The following RPRD1A variants were observed in gnomAD, a reference collection of about 807,000 sequenced individuals.
RPRD1A encodes the protein regulation of nuclear pre-mRNA domain-containing protein 1A.
Under a neutral mutation model 37.8 loss-of-function variants are expected in RPRD1A, and 9 were observed. The observed-to-expected ratio is 0.24, with a 90% confidence interval of 0.14 to 0.42. The LOEUF (loss-of-function observed/expected upper bound fraction) is 0.42. Among genes scored for constraint, RPRD1A ranks in the 10% least tolerant of loss-of-function variants. The pLI is 1.00. For missense variants in RPRD1A, 255 were observed against 371.0 expected (o/e 0.69, Z 2.57); for synonymous variants, 138 against 139.7 (o/e 0.99, Z 0.08).
chr18:36,031,132 T>C, intron 2 of RPRD1A, 35 bp from the exon 3 acceptor site: 1 of 1,495,870 alleles, frequency 6.7e-7, no homozygotes, highest in Non-Finnish European at 8.9e-7. Context: ...AGAAAAATGT[T>C]AACAGTAACA....
intron 1 of RPRD1A, among the ~76,000 whole-genome samples, chr18:36,043,203 G>T (rs1027166804): frequency 2.2e-5 from 3 of 137,372 alleles, no homozygotes; most frequent in Non-Finnish European, 3.1e-5. Flanking sequence ...AATCGGGGGG[G>T]GGGGAAGAAG....
chr18:36,019,629 G>A (rs1910856483), intron 6 of RPRD1A, among the ~76,000 whole-genome samples: 2 of 152,130 alleles, frequency 1.3e-5, no homozygotes, highest in Non-Finnish European at 1.5e-5. Flanking sequence ...TTATATGATA[G>A]AGCAAACTCA....
In RPRD1A at chr18:36,008,872, T is replaced by C. The variant is rs570382629; in HGVS notation, c.790-15572A>G. On this transcript the variant is annotated intron_variant, in intron 6 of 6. Transcript: ENST00000399022. ...ATTATGGTTTTGACTCTGTTACTTA[T>C]GTTGTTTCCCTGCTTACCTGCCTAG... is the stretch of plus-strand genomic sequence containing the variant. Among the ~76,000 whole-genome samples, 11 of 152,060 alleles carry C rather than the reference T, an allele frequency of 7.2e-5. No individual in the cohort carries two copies. The South Asian group carries it at 2.3e-3, about 32-fold the overall frequency.
At chr18:36,041,733 G>A (rs911471820) in intron 1 of RPRD1A, among the ~76,000 whole-genome samples, 1 of 152,234 alleles carries the variant, frequency 6.6e-6, no homozygotes, top group African/African-American at 2.4e-5. Flanking sequence ...ATGGATAGGT[G>A]GTTGTCAGCC....
At chr18:36,027,420 C>G (rs1003712186) in intron 4 of RPRD1A, 110 bp from the exon 5 acceptor site, 36 of 1,097,596 alleles carry the variant, frequency 3.3e-5, no homozygotes, top group African/African-American at 4.8e-5. Flanking sequence ...TACAAAGCTC[C>G]TAATATAAAC....
chr18:36,060,609 T>G (rs930362651), intron 1 of RPRD1A, among the ~76,000 whole-genome samples: 4 of 152,190 alleles, frequency 2.6e-5, no homozygotes, highest in Non-Finnish European at 5.9e-5. Context: ...AAACGCAGTA[T>G]GCTGGGGAGC....
chr18:36,014,729 C>T (rs568922000), intron 6 of RPRD1A, among the ~76,000 whole-genome samples: 3 of 151,846 alleles, frequency 2.0e-5, no homozygotes, highest in Non-Finnish European at 2.9e-5. Context: ...GGCAACAAAG[C>T]GAGACTCCGT....
chr18:36,057,051 CAAAAAAAA>C lies in RPRD1A; in HGVS notation c.151+10195_151+10202del, dbSNP rs35428437. Among the ~76,000 whole-genome samples the C allele has an allele frequency of 1.3e-3, 57 of 44,736 alleles. 1 individual carries two copies. The highest frequency in any genetic ancestry group is 3.3e-3 in the African/African-American group (39 of 11,864). The allele number at this position is 44,736 out of a possible 152,430, so 29.3% of individuals were successfully genotyped here. ...GCAACACAGCTAGACCCTGTTTCTA[CAAAAAAAA>C]AAAAAAAAAAAAAAAAAAAAATCAG... is the stretch of plus-strand genomic sequence containing the variant. On this transcript the variant is annotated intron_variant, in intron 1 of 6. Coordinates refer to ENST00000399022, the MANE Select transcript of RPRD1A (RefSeq NM_018170.5).
chr18:35,993,558 C>T (rs1193659887), intron 6 of RPRD1A, among the ~76,000 whole-genome samples: 2 of 152,140 alleles, frequency 1.3e-5, no homozygotes, highest in Admixed American at 6.5e-5. Context: ...TGCTTAACCT[C>T]GACATATAAG....
At chr18:36,028,711 A>G (rs1470667193) in intron 4 of RPRD1A, among the ~76,000 whole-genome samples, 1 of 152,220 alleles carries the variant, frequency 6.6e-6, no homozygotes, top group African/African-American at 2.4e-5. Flanking sequence ...AATGAGTTTA[A>G]CGGGAACCTA....
At chr18:36,023,223 T>C (rs1414655800) in intron 6 of RPRD1A, among the ~76,000 whole-genome samples, 2 of 152,228 alleles carry the variant, frequency 1.3e-5, no homozygotes, top group Admixed American at 6.5e-5. Context: ...CTAGATGGCA[T>C]TAAAAACATT....
At chr18:36,035,042 G>A (rs984506139) in intron 1 of RPRD1A, among the ~76,000 whole-genome samples, 3 of 152,154 alleles carry the variant, frequency 2.0e-5, no homozygotes, top group Non-Finnish European at 4.4e-5. Context: ...AGAAGAGATG[G>A]CTATAACAGA....
intron 6 of RPRD1A, among the ~76,000 whole-genome samples, chr18:36,024,283 A>G (rs1321356969): frequency 6.7e-6 from 1 of 150,178 alleles, no homozygotes. Flanking sequence ...AGTAGCTGGG[A>G]CTACAGGCAC....
At chr18:36,049,599 A>G (rs993070463) in intron 1 of RPRD1A, among the ~76,000 whole-genome samples, 4 of 152,236 alleles carry the variant, frequency 2.6e-5, no homozygotes, top group Admixed American at 1.3e-4. Flanking sequence ...TTCACTTAGC[A>G]TAATGTTTTT....
intron 6 of RPRD1A, among the ~76,000 whole-genome samples, chr18:35,994,567 T>C (rs919016973): frequency 6.6e-6 from 1 of 152,188 alleles, no homozygotes; most frequent in East Asian, 1.9e-4. Flanking sequence ...TTATCTGAGA[T>C]AGCAGAGAGG....
At chr18:36,009,329 C>G (rs1305645789) in intron 6 of RPRD1A, among the ~76,000 whole-genome samples, 1 of 152,136 alleles carries the variant, frequency 6.6e-6, no homozygotes, top group East Asian at 1.9e-4. Flanking sequence ...AGCTCCAACA[C>G]AGGCAGACTC....
At chr18:36,005,684 C>T (rs1260318950) in intron 6 of RPRD1A, among the ~76,000 whole-genome samples, 1 of 152,118 alleles carries the variant, frequency 6.6e-6, no homozygotes, top group Non-Finnish European at 1.5e-5. Context: ...TGAAAAATGG[C>T]CTTGATAGTA....
intron 6 of RPRD1A, among the ~76,000 whole-genome samples, chr18:36,018,603 C>T (rs949773730): frequency 6.6e-6 from 1 of 152,170 alleles, no homozygotes; most frequent in African/African-American, 2.4e-5. Context: ...CATTCATTTA[C>T]TTAACACAAA....
intron 1 of RPRD1A, among the ~76,000 whole-genome samples, chr18:36,044,184 G>A (rs1912794298): frequency 6.6e-6 from 1 of 152,106 alleles, no homozygotes; most frequent in South Asian, 2.1e-4. Context: ...GCTGTCTCAG[G>A]AGTGTCAAAG....
Sources: gnomAD v4.1 joint callset for allele counts (sites outside exome capture counted in the v4.1 genomes callset) on GRCh38, gnomAD v4.1.1 for gene constraint, MANE v1.5 for transcripts, NCBI Gene and HGNC (gene_info 2026-07-23, HGNC 2026-07-21) for gene names.